KIFC1: variants seen among roughly 807,000 people sequenced by gnomAD.
KIFC1 encodes kinesin family member C1.
In KIFC1, 37 loss-of-function variants were observed where a neutral mutation model predicts 66.6. The ratio of observed to expected loss-of-function variants is 0.56; its 90% CI spans 0.43 to 0.73. KIFC1 has a LOEUF of 0.73. KIFC1 is among the 30% of genes least tolerant of loss of function. KIFC1 has a pLI of 0.00. For missense variants in KIFC1, 721 were observed against 859.8 expected (o/e 0.84, Z 2.02); for synonymous variants, 325 against 343.5 (o/e 0.95, Z 0.60).
intron 10 of KIFC1, among the ~76,000 whole-genome samples, chr6:33,407,941 G>A (rs1775734159): frequency 6.6e-6 from 1 of 152,212 alleles, no homozygotes; most frequent in Non-Finnish European, 1.5e-5. Flanking sequence ...GTGCGCTTGG[G>A]CCTCCTCCCA....
rs751948529 is a variant in KIFC1, at chr6:33,406,407, G to T, written c.1748G>T (p.Arg583Leu). The T allele has an allele frequency of 4.3e-6, 7 of 1,609,584 alleles. No homozygotes were observed. Among genetic ancestry groups the T allele is most frequent in the African/African-American group, 1.3e-5 (1 of 74,844 alleles). Residue 583 changes from arginine (R) to leucine (L), a missense_variant, in exon 8 of 11, where the codon CGG (arginine) becomes CTG (leucine). Arg to Leu is a moderately radical substitution (Grantham distance 102). Transcript: ENST00000428849. The surrounding 1 kb of genome is among the most constrained non-coding windows in gnomAD (Gnocchi z 4.5). ...DPGLALGPGE[R>L]ERLRETQAIN... ...GGCTTAGCCCTCGGCCCCGGGGAGC[G>T]GGAACGCCTTCGGGAAACACAGGCC...
chr6:33,393,840 G>A (rs1043639840), intron 1 of KIFC1, among the ~76,000 whole-genome samples: 7 of 147,596 alleles, frequency 4.7e-5, no homozygotes, highest in South Asian at 2.1e-4. Flanking sequence ...TCCGCCTCCC[G>A]GGTTCAGGCG....
At chr6:33,409,479 G>A (rs1775810324) in intron 10 of KIFC1, among the ~76,000 whole-genome samples, 167 bp from the exon 11 acceptor site, 1 of 152,136 alleles carries the variant, frequency 6.6e-6, no homozygotes, top group Non-Finnish European at 1.5e-5. Flanking sequence ...CAAACCTAGT[G>A]TGCAGAGGAG....
chr6:33,409,505 G>A (rs943577511), intron 10 of KIFC1, 141 bp from the exon 11 acceptor site: 8 of 824,468 alleles, frequency 9.7e-6, no homozygotes, highest in Non-Finnish European at 1.7e-5. Flanking sequence ...ACCATAACTG[G>A]CACCAGCCTG....
upstream of KIFC1, chr6:33,391,753 C>A: frequency 1.6e-6 from 1 of 627,172 alleles, no homozygotes; most frequent in Non-Finnish European, 2.9e-6. Context: ...CTGCGATTGG[C>A]CCTCGGCTGT....
chr6:33,395,091 T>C (rs964856390), intron 1 of KIFC1, among the ~76,000 whole-genome samples: 6 of 152,200 alleles, frequency 3.9e-5, no homozygotes, highest in Non-Finnish European at 8.8e-5. Context: ...AACATGAAGT[T>C]ACTTGTGATC....
Position 33,405,188 on chromosome 6 carries a change from G to A in KIFC1, c.1093G>A (p.Ala365Thr), listed in dbSNP as rs1775581042. Residue 365 changes from alanine (A) to threonine (T), a missense_variant, in exon 7 of 11, where the codon GCT becomes ACT. By Grantham distance (58) the Ala-to-Thr change is moderately conservative. Coordinates refer to ENST00000428849, the MANE Select transcript of KIFC1 (RefSeq NM_002263.4). This position sits in a 1 kb window ranked among gnomAD's most constrained non-coding sequence, Gnocchi z 5.4. ...ERRGTLSGAP[A>T]PPTRHDFSFD... ...GCGTGGGACCCTGAGTGGGGCACCA[G>A]CTCCCCCAACTCGCCATGATTTTTC... The A allele has an allele frequency of 3.1e-6, 5 of 1,614,146 alleles. No individual in the cohort carries two copies. The highest frequency in any genetic ancestry group is 1.6e-4 in the Middle Eastern group (1 of 6,062).
chr6:33,401,398 T>C lies in KIFC1; in HGVS notation c.251-1916T>C, dbSNP rs1355319211. Among the ~76,000 whole-genome samples the C allele has an allele frequency of 1.3e-5, 2 of 152,154 alleles. No homozygotes were observed. The highest frequency in any genetic ancestry group is 4.8e-5 in the African/African-American group (2 of 41,432). ...ATCCGCCCGCCTCAGCCTCCCAAAG[T>C]GCTGGGATTACAGACATGAGTTACT... On this transcript the variant is annotated intron_variant, in intron 3 of 10. Coordinates refer to ENST00000428849, the MANE Select transcript of KIFC1 (RefSeq NM_002263.4). The surrounding 1 kb of genome is among the most constrained non-coding windows in gnomAD (Gnocchi z 4.5).
At position 33,406,592 on chromosome 6, in the gene KIFC1, G is replaced by T. The variant is rs746763528; in HGVS notation, c.1828G>T (p.Glu610Ter). The part of the protein sequence containing the change: ...GLVIMALSNK[E>*]SHVPYRNSKL... ...ATCTGTCCCCACCTCAATCATCTAG[G>T]AGTCCCACGTGCCTTACCGGAACAG... is the stretch of plus-strand genomic sequence containing the variant. Residue 610 changes from glutamate to a stop codon, truncating the protein, a stop_gained and splice_region_variant, in exon 9 of 11, where the codon GAG (glutamate) becomes TAG (stop). Coordinates refer to ENST00000428849, the MANE Select transcript of KIFC1 (RefSeq NM_002263.4). LOFTEE classifies it high-confidence loss of function. This position sits in a 1 kb window ranked among gnomAD's most constrained non-coding sequence, Gnocchi z 4.5. The T allele has an allele frequency of 1.9e-6, 3 of 1,613,986 alleles. No homozygotes were observed. The highest frequency in any genetic ancestry group is 2.5e-6 in the Non-Finnish European group (3 of 1,180,014).
intron 3 of KIFC1, among the ~76,000 whole-genome samples, chr6:33,399,481 C>T (rs1775268362): frequency 6.6e-6 from 1 of 152,092 alleles, no homozygotes; most frequent in Non-Finnish European, 1.5e-5. Context: ...GATACATTAT[C>T]AGAAATGCAT....
At chr6:33,397,367 G>C (rs1287583191) in intron 1 of KIFC1, among the ~76,000 whole-genome samples, 1 of 145,554 alleles carries the variant, frequency 6.9e-6, no homozygotes, top group Non-Finnish European at 1.5e-5. Flanking sequence ...GCGTGATCTC[G>C]GCTCACCGCA....
At position 33,405,935 on chromosome 6, in the gene KIFC1, C is replaced by T. The variant is rs1049804567; in HGVS notation, c.1537-261C>T. ...TGTTCCTCAACCAGCTAGTCGTGCTCCCCATCTCAGGGCCTTTGCCTGGAT... is the reference window on the plus strand; with the variant it reads ...TGTTCCTCAACCAGCTAGTCGTGCTTCCCATCTCAGGGCCTTTGCCTGGAT... On this transcript the variant is annotated intron_variant, in intron 7 of 10. Coordinates refer to ENST00000428849, the MANE Select transcript of KIFC1 (RefSeq NM_002263.4). The surrounding 1 kb of genome is among the most constrained non-coding windows in gnomAD (Gnocchi z 5.4). Among the ~76,000 whole-genome samples the T allele has an allele frequency of 6.6e-6, 1 of 152,174 alleles. No individual in the cohort carries two copies. Among genetic ancestry groups the T allele is most frequent in the Non-Finnish European group, 1.5e-5 (1 of 68,024 alleles).
Position 33,398,292 on chromosome 6 carries a change from G to A in KIFC1, c.155G>A (p.Arg52Gln), listed in dbSNP as rs750231969. ...CTTGTCTTTATCTTTCCCCAGAAAC[G>A]GACAAGAGGCCTGGGTGCAACGACC... Reference protein sequence around the residue: ...MEDGLEPEKKRTRGLGATTKI... With the variant: ...MEDGLEPEKKQTRGLGATTKI... Residue 52 changes from arginine (R) to glutamine (Q), a missense_variant, in exon 3 of 11, where the codon CGG becomes CAG. Physicochemically the swap from Arg to Gln is conservative, Grantham distance 43. Coordinates refer to ENST00000428849, the MANE Select transcript of KIFC1 (RefSeq NM_002263.4). 28 of 1,613,848 alleles carry A rather than the reference G, an allele frequency of 1.7e-5. No individual in the cohort carries two copies. Among genetic ancestry groups the A allele is most frequent in the Middle Eastern group, 1.6e-4 (1 of 6,084 alleles).
intron 10 of KIFC1, chr6:33,407,090 T>A: frequency 2.3e-6 from 3 of 1,320,104 alleles, no homozygotes; most frequent in Non-Finnish European, 9.8e-7. Context: ...GAAAGCTGAT[T>A]AAAAAAAAAA....
Position 33,400,288 on chromosome 6 carries a change from C to T in KIFC1, c.250+1901C>T. ...AATGTTTTTCTGTTTCTTTCTGTCT[C>T]TTGGTGGTTTCTTGAGGGCTTTGAT... is the stretch of plus-strand genomic sequence containing the variant. On this transcript the variant is annotated intron_variant, in intron 3 of 10. Transcript: ENST00000428849. The surrounding 1 kb of genome is among the most constrained non-coding windows in gnomAD (Gnocchi z 4.3). The T allele has an allele frequency of 6.3e-7, 1 of 1,574,864 alleles. No homozygotes were observed. Among genetic ancestry groups the T allele is most frequent in the Non-Finnish European group, 8.6e-7 (1 of 1,159,230 alleles).
intron 1 of KIFC1, among the ~76,000 whole-genome samples, chr6:33,396,436 CTTTTT>C (rs199749552): frequency 8.6e-6 from 1 of 116,258 alleles, no homozygotes; most frequent in Non-Finnish European, 1.7e-5. Context: ...CTTTTCTTTT[CTTTTT>C]TTTTTTTTTT....
chr6:33,407,152 T>C (rs1444349992), intron 10 of KIFC1: 4 of 1,091,398 alleles, frequency 3.7e-6, no homozygotes, highest in Non-Finnish European at 3.7e-6. Context: ...CTCATGCCTA[T>C]AATCCGAACA....
chr6:33,402,406 T>C (rs750920974), intron 3 of KIFC1, among the ~76,000 whole-genome samples: 28 of 152,216 alleles, frequency 1.8e-4, no homozygotes, highest in Non-Finnish European at 3.5e-4. Context: ...TGTTAGATAT[T>C]ATAAGTAATC....
At chr6:33,397,991 C>G (rs1378213051) in intron 1 of KIFC1, 38 bp from the exon 2 acceptor site, 12 of 1,606,364 alleles carry the variant, frequency 7.5e-6, no homozygotes, top group Non-Finnish European at 1.0e-5. Flanking sequence ...GACATTTGGG[C>G]TCCTGGGTAT....
Sources: gnomAD v4.1 joint callset for allele counts (sites outside exome capture counted in the v4.1 genomes callset) on GRCh38, gnomAD v4.1.1 for gene constraint, Gnocchi (gnomAD v3.1) non-coding constraint, MANE v1.5 for transcripts, NCBI Gene and HGNC (gene_info 2026-07-23, HGNC 2026-07-21) for gene names.